Variants in CACNA2D3 observed in about 807,000 individuals in gnomAD.
The protein encoded by CACNA2D3 is voltage-dependent calcium channel subunit alpha-2/delta-3.
Under a neutral mutation model 160.6 loss-of-function variants are expected in CACNA2D3, and 60 were observed. The ratio of observed to expected loss-of-function variants is 0.37; its 90% CI spans 0.30 to 0.46. The LOEUF is 0.46. Among genes scored for constraint, CACNA2D3 ranks in the 20% least tolerant of loss-of-function variants. The pLI is 1.00. For synonymous variants in CACNA2D3, 558 were observed against 492.9 expected, an observed-to-expected ratio of 1.13 and a Z score of -1.75; for missense variants, 1,205 against 1,365.0, an observed-to-expected ratio of 0.88 and a Z score of 1.85.
intron 13 of CACNA2D3, among the ~76,000 whole-genome samples, chr3:54,782,722 G>T (rs1262554969): frequency 1.3e-5 from 2 of 152,050 alleles, no homozygotes; most frequent in Non-Finnish European, 2.9e-5. Context: ...GTCTACTGAA[G>T]CCATCACCTC....
chr3:54,676,716 TC>T (rs1462675102), intron 11 of CACNA2D3, among the ~76,000 whole-genome samples: 3 of 152,162 alleles, frequency 2.0e-5, no homozygotes, highest in African/African-American at 4.8e-5. Context: ...TTGGGGAAGG[TC>T]GGAGGTGCAC....
rs191305777 is a variant in CACNA2D3, at chr3:54,504,476, G to A, written c.544+822G>A. Among the ~76,000 whole-genome samples the A allele has an allele frequency of 3.4e-3, 523 of 152,260 alleles. 2 individuals are homozygous for A. Among genetic ancestry groups the A allele is most frequent in the Middle Eastern group, 0.017 (5 of 294 alleles). ...ATATCTACCTCCTGGGGGTGGTTTT[G>A]AGGGCTAAATGGAATGATGTTTATA... On this transcript the variant is annotated intron_variant, in intron 5 of 37. Coordinates refer to ENST00000474759, the MANE Select transcript of CACNA2D3 (RefSeq NM_018398.3).
At chr3:54,258,648 A>G (rs1702345282) in intron 2 of CACNA2D3, among the ~76,000 whole-genome samples, 1 of 152,172 alleles carries the variant, frequency 6.6e-6, no homozygotes, top group African/African-American at 2.4e-5. Flanking sequence ...AAGAGATTTG[A>G]TGCTATCAGC....
chr3:54,743,054 T>A (rs1695492772), intron 11 of CACNA2D3, among the ~76,000 whole-genome samples: 1 of 152,230 alleles, frequency 6.6e-6, no homozygotes, highest in Non-Finnish European at 1.5e-5. Context: ...AATGAAGGAA[T>A]GAGCTCTATG....
At chr3:54,981,499 G>A (rs942131900) in intron 29 of CACNA2D3, among the ~76,000 whole-genome samples, 2 of 152,038 alleles carry the variant, frequency 1.3e-5, no homozygotes, top group African/African-American at 4.8e-5. Flanking sequence ...TGGGAGCGAG[G>A]GGGAGAGAAA....
chr3:54,807,140 A>G (rs749344576), intron 13 of CACNA2D3, among the ~76,000 whole-genome samples: 24 of 152,352 alleles, frequency 1.6e-4, no homozygotes, highest in Non-Finnish European at 2.2e-4. Flanking sequence ...GGACATAGGC[A>G]TGGGCAAGGA....
intron 2 of CACNA2D3, among the ~76,000 whole-genome samples, chr3:54,263,752 G>C (rs1337345405): frequency 6.6e-6 from 1 of 152,188 alleles, no homozygotes; most frequent in East Asian, 1.9e-4. Context: ...ACAGCAATAA[G>C]ATGGAACACA....
At chr3:54,369,733 G>A (rs1374672797) in intron 3 of CACNA2D3, among the ~76,000 whole-genome samples, 2 of 152,140 alleles carry the variant, frequency 1.3e-5, no homozygotes, top group Admixed American at 6.5e-5. Flanking sequence ...TTCAGATTCT[G>A]TCTCCTCTGT....
chr3:54,145,433 T>C (rs1700008157), intron 2 of CACNA2D3, among the ~76,000 whole-genome samples: 1 of 152,148 alleles, frequency 6.6e-6, no homozygotes. Flanking sequence ...AATGGGGAGC[T>C]CTAGACACTG....
At chr3:54,141,097 G>GCGCGCGCGCGCGCACGTGCA (rs1559860132) in intron 2 of CACNA2D3, among the ~76,000 whole-genome samples, 3 of 133,664 alleles carry the variant, frequency 2.2e-5, no homozygotes, top group African/African-American at 8.2e-5. Flanking sequence ...GCGCGCGCGC[G>GCGCGCGCGCGCGCACGTGCA]CGTGTGTGCA....
chr3:55,065,664 C>G (rs111229147), intron 35 of CACNA2D3, among the ~76,000 whole-genome samples: 5 of 133,422 alleles, frequency 3.7e-5, no homozygotes, highest in Non-Finnish European at 7.6e-5. Flanking sequence ...AAGACCATGT[C>G]GAAAGAAAGA....
chr3:54,753,472 G>T (rs554989809), intron 12 of CACNA2D3, among the ~76,000 whole-genome samples: 3 of 152,198 alleles, frequency 2.0e-5, no homozygotes, highest in Middle Eastern at 3.2e-3. Context: ...GAACAGTCAC[G>T]AGATGCAGCA....
At chr3:54,599,611 G>C (rs1038699507) in intron 9 of CACNA2D3, among the ~76,000 whole-genome samples, 16 of 152,076 alleles carry the variant, frequency 1.1e-4, no homozygotes, top group African/African-American at 1.9e-4. Flanking sequence ...AATAAGGTGG[G>C]GGGGAGGAAA....
At chr3:54,260,307 A>C (rs1399992622) in intron 2 of CACNA2D3, among the ~76,000 whole-genome samples, 2 of 152,180 alleles carry the variant, frequency 1.3e-5, no homozygotes, top group African/African-American at 4.8e-5. Context: ...CTATAAACAG[A>C]ATACATGAGA....
chr3:54,736,018 C>CATACATATATATATGTATATATATAT (rs1245051455), intron 11 of CACNA2D3, among the ~76,000 whole-genome samples: 7 of 80,918 alleles, frequency 8.7e-5, no homozygotes, highest in South Asian at 3.4e-4. Flanking sequence ...TATATATATA[C>CATACATATATATATGTATATATATAT]ACATACATAT....
chr3:54,822,817 T>C (rs573349403), intron 14 of CACNA2D3, among the ~76,000 whole-genome samples: 7 of 122,464 alleles, frequency 5.7e-5, no homozygotes, highest in African/African-American at 2.3e-4. Flanking sequence ...CTTTCTTTCT[T>C]TCTTTCTTTC....
rs1410236798 is a variant in CACNA2D3 at position 54,149,932 on chromosome 3, CCT to C, written c.204+26340_204+26341del. Among the ~76,000 whole-genome samples, 9 of 23,836 alleles carry C rather than the reference CCT, an allele frequency of 3.8e-4. 1 individual carries two copies. Among genetic ancestry groups the C allele is most frequent in the African/African-American group, 8.0e-4 (4 of 4,988 alleles). 15.6% of individuals were successfully genotyped at this position (23,836 alleles called of 152,430 possible). A position where few individuals can be genotyped will look rare whatever the true frequency, so the allele number is the denominator to read the frequency against. On this transcript the variant is annotated intron_variant, in intron 2 of 37. Transcript: ENST00000474759. ...CTCTCTCTCTCTCTCTCTCTCTCTC[CCT>C]CCCTCCCTCCCTCCCTCCCTCCCTC... is the stretch of plus-strand genomic sequence containing the variant.
intron 4 of CACNA2D3, among the ~76,000 whole-genome samples, chr3:54,448,989 A>C (rs1326650712): frequency 6.6e-6 from 1 of 152,212 alleles, no homozygotes; most frequent in African/African-American, 2.4e-5. Context: ...CTTTGTCTTG[A>C]ATTTATTTAT....
At chr3:55,056,936 A>G (rs1250476263) in intron 35 of CACNA2D3, among the ~76,000 whole-genome samples, 1 of 152,232 alleles carries the variant, frequency 6.6e-6, no homozygotes, top group East Asian at 1.9e-4. Context: ...CAAAACTGCT[A>G]CAAGAATAAA....
Sources: allele counts gnomAD v4.1 joint callset (sites outside exome capture counted in the v4.1 genomes callset), GRCh38; gene constraint gnomAD v4.1.1; transcripts MANE v1.5; gene names NCBI Gene and HGNC (gene_info 2026-07-23, HGNC 2026-07-21).